CRACD: variants seen among roughly 807,000 people sequenced by gnomAD.
The protein encoded by CRACD is capping protein-inhibiting regulator of actin dynamics.
In CRACD, 56 loss-of-function variants were observed where a neutral mutation model predicts 106.8. That is an observed-to-expected ratio of 0.52 (90% confidence interval 0.42 to 0.66). The LOEUF is 0.66. Among genes scored for constraint, CRACD ranks in the 30% least tolerant of loss-of-function variants. CRACD has a pLI of 0.00. For synonymous variants in CRACD, 754 were observed against 670.8 expected, an observed-to-expected ratio of 1.12 and a Z score of -1.92; for missense variants, 1,730 against 1,623.2, an observed-to-expected ratio of 1.07 and a Z score of -1.13.
chr4:56,249,601 C>T (rs902944507), intron 2 of CRACD, among the ~76,000 whole-genome samples: 16 of 152,140 alleles, frequency 1.1e-4, no homozygotes, highest in African/African-American at 3.9e-4. Flanking sequence ...ATACGAGGCA[C>T]CTGCCTTGGC....
intron 2 of CRACD, among the ~76,000 whole-genome samples, chr4:56,263,524 C>T (rs1741826184): frequency 6.6e-6 from 1 of 152,124 alleles, no homozygotes; most frequent in African/African-American, 2.4e-5. Context: ...TATCCTATGT[C>T]TTCATATTGC....
chr4:56,317,246 G>A (rs1745736836), intron 8 of CRACD, among the ~76,000 whole-genome samples: 2 of 152,172 alleles, frequency 1.3e-5, no homozygotes, highest in Admixed American at 6.5e-5. Flanking sequence ...GCTAGAACCA[G>A]AAGTGCCCAA....
chr4:56,144,542 C>A (rs1735310908), intron 1 of CRACD, among the ~76,000 whole-genome samples: 1 of 152,070 alleles, frequency 6.6e-6, no homozygotes. Context: ...GATGTTGAAT[C>A]ATAAATTTTT....
At chr4:56,084,604 A>G (rs79396060) in intron 1 of CRACD, among the ~76,000 whole-genome samples, 2,401 of 152,324 alleles carry the variant, frequency 0.016, 67 homozygotes, top group African/African-American at 0.054. Flanking sequence ...CCAAGACAGA[A>G]CAAGGCCGTG....
chr4:56,170,902 A>G (rs944063774), intron 1 of CRACD, among the ~76,000 whole-genome samples: 3 of 152,172 alleles, frequency 2.0e-5, no homozygotes, highest in African/African-American at 4.8e-5. Flanking sequence ...GAGTAATTTA[A>G]CACAAGGATA....
chr4:56,055,014 C>A (rs1732006759), intron 1 of CRACD, among the ~76,000 whole-genome samples: 1 of 152,256 alleles, frequency 6.6e-6, no homozygotes, highest in South Asian at 2.1e-4. Flanking sequence ...GAAGCTGCAT[C>A]CCTGAAACAC....
chr4:56,259,855 G>C (rs1741593417), intron 2 of CRACD, among the ~76,000 whole-genome samples: 1 of 152,160 alleles, frequency 6.6e-6, no homozygotes, highest in Non-Finnish European at 1.5e-5. Flanking sequence ...AAGTGAGGTA[G>C]AGCATGTCTA....
chr4:56,307,427 T>C (rs1744802005), intron 4 of CRACD, 108 bp from the exon 5 acceptor site: 2 of 988,974 alleles, frequency 2.0e-6, no homozygotes, highest in South Asian at 1.7e-5. Context: ...AGAAATCAGT[T>C]GTGCACAAGG....
At chr4:56,176,985 A>T (rs949975173) in intron 1 of CRACD, among the ~76,000 whole-genome samples, 6 of 152,180 alleles carry the variant, frequency 3.9e-5, no homozygotes, top group African/African-American at 9.7e-5. Flanking sequence ...TTCTAAATGT[A>T]AGATAATGTC....
At chr4:56,241,852 C>A (rs567276803) in intron 2 of CRACD, among the ~76,000 whole-genome samples, 1 of 152,312 alleles carries the variant, frequency 6.6e-6, no homozygotes, top group South Asian at 2.1e-4. Flanking sequence ...GAGGGAGAAA[C>A]TGAAGGGCGT....
intron 1 of CRACD, among the ~76,000 whole-genome samples, chr4:56,161,473 A>G (rs1357453370): frequency 6.6e-6 from 1 of 151,918 alleles, no homozygotes; most frequent in African/African-American, 2.4e-5. Flanking sequence ...TTTCCCTGAG[A>G]TGGAGTCTCA....
chr4:56,096,050 G>A (rs1009811978), intron 1 of CRACD, among the ~76,000 whole-genome samples: 8 of 152,070 alleles, frequency 5.3e-5, no homozygotes, highest in African/African-American at 1.9e-4. Flanking sequence ...TATATATTGA[G>A]GTGAGGAGGA....
chr4:56,214,618 A>G, intron 2 of CRACD, among the ~76,000 whole-genome samples: 1 of 144,118 alleles, frequency 6.9e-6, no homozygotes, highest in East Asian at 2.1e-4. Context: ...GACATATCGC[A>G]CCACTGCCCT....
chr4:56,197,034 A>T (rs930582218), intron 2 of CRACD, among the ~76,000 whole-genome samples: 2 of 152,162 alleles, frequency 1.3e-5, no homozygotes, highest in Non-Finnish European at 2.9e-5. Flanking sequence ...AAAAATGTTG[A>T]TACTGATAGG....
chr4:56,057,251 C>A (rs1030253855), intron 1 of CRACD, among the ~76,000 whole-genome samples: 1 of 152,156 alleles, frequency 6.6e-6, no homozygotes, highest in Non-Finnish European at 1.5e-5. Context: ...TGCCTGTAGT[C>A]TCTCCCTGCT....
At chr4:56,222,440 G>T (rs1739093375) in intron 2 of CRACD, among the ~76,000 whole-genome samples, 1 of 152,152 alleles carries the variant, frequency 6.6e-6, no homozygotes, top group Admixed American at 6.5e-5. Context: ...TGGGTACGGT[G>T]TATGCTACTT....
rs777119246 is a variant in CRACD at position 56,315,738 on chromosome 4, C to T, written c.2236C>T (p.Arg746Ter). 1 of 1,614,194 alleles carries T rather than the reference C, an allele frequency of 6.2e-7. No individual in the cohort carries two copies. The highest frequency in any genetic ancestry group is 8.5e-7 in the Non-Finnish European group (1 of 1,180,036). ...ACAGAGCACGGAAGCTGAAAGCATA[C>T]GAAAAAGACCCATGCTGGGACCCAG... is the stretch of plus-strand genomic sequence containing the variant. ...SKQSTEAESI[R>*]KRPMLGPSEE... is the part of the protein sequence containing the mutation. The change falls in exon 8 of 11, where the codon CGA becomes TGA. Residue 746 changes from arginine to a stop codon, truncating the protein, a stop_gained. Transcript: ENST00000682029. LOFTEE classifies it high-confidence loss of function. The surrounding 1 kb of genome is among the most constrained non-coding windows in gnomAD (Gnocchi z 4.1).
intron 1 of CRACD, among the ~76,000 whole-genome samples, chr4:56,103,887 T>A (rs10033958): frequency 0.14 from 20,660 of 152,148 alleles, 1,478 homozygotes; most frequent in East Asian, 0.19. Flanking sequence ...TTCAAGTGAT[T>A]CTCCTGCCTT....
chr4:56,275,694 GT>G (rs1577842845), intron 3 of CRACD, among the ~76,000 whole-genome samples: 2 of 152,136 alleles, frequency 1.3e-5, no homozygotes, highest in East Asian at 3.8e-4. Context: ...TTTACATTGT[GT>G]AATGATTCAA....
Sources: gnomAD v4.1 joint callset for allele counts (sites outside exome capture counted in the v4.1 genomes callset) on GRCh38, gnomAD v4.1.1 for gene constraint, Gnocchi (gnomAD v3.1) non-coding constraint, MANE v1.5 for transcripts, NCBI Gene and HGNC (gene_info 2026-07-23, HGNC 2026-07-21) for gene names.